LRP1B: variants seen among roughly 807,000 people sequenced by gnomAD.
The protein encoded by LRP1B is LDL receptor related protein 1B.
A neutral mutation model predicts 556.6 loss-of-function variants in LRP1B; 217 were observed. The ratio of observed to expected loss-of-function variants is 0.39; its 90% CI spans 0.35 to 0.44. The LOEUF is 0.44. Ranked by LOEUF, LRP1B falls within the 20% of genes least tolerant of loss-of-function variation. The probability of loss-of-function intolerance (pLI) is 1.00; values close to 1 mark genes in which losing one functional copy is unlikely to be tolerated. For missense variants in LRP1B, 5,053 were observed against 5,620.8 expected, an observed-to-expected ratio of 0.90 and a Z score of 3.23; for synonymous variants, 2,047 against 1,865.8, an observed-to-expected ratio of 1.10 and a Z score of -2.50.
intron 2 of LRP1B, among the ~76,000 whole-genome samples, chr2:141,616,305 A>G (rs1385640495): frequency 1.3e-5 from 2 of 151,980 alleles, no homozygotes; most frequent in African/African-American, 4.8e-5. Context: ...AAAAAAAGAA[A>G]AAAAAGCTAT....
intron 33 of LRP1B, among the ~76,000 whole-genome samples, chr2:140,775,817 T>C (rs530168746): frequency 1.3e-5 from 2 of 152,284 alleles, no homozygotes; most frequent in Admixed American, 6.5e-5. Context: ...TGCCAGGATA[T>C]ATTTTCTTAT....
intron 84 of LRP1B, among the ~76,000 whole-genome samples, chr2:140,287,605 T>C (rs1015616827): frequency 6.1e-5 from 9 of 147,616 alleles, no homozygotes; most frequent in African/African-American, 1.0e-4. Flanking sequence ...ATTATTACCA[T>C]GGGTTTAGAC....
chr2:141,898,127 T>C (rs1450870101), intron 1 of LRP1B, among the ~76,000 whole-genome samples: 1 of 152,172 alleles, frequency 6.6e-6, no homozygotes, highest in Non-Finnish European at 1.5e-5. Flanking sequence ...ATGACACAAG[T>C]AGGATTTGTT....
chr2:141,595,648 A>G (rs1316481110), intron 2 of LRP1B, among the ~76,000 whole-genome samples: 1 of 152,128 alleles, frequency 6.6e-6, no homozygotes, highest in Non-Finnish European at 1.5e-5. Flanking sequence ...TGCAGATAAT[A>G]TGACTCACAT....
chr2:140,863,873 A>G (rs1246258339), intron 27 of LRP1B, among the ~76,000 whole-genome samples: 1 of 152,054 alleles, frequency 6.6e-6, no homozygotes, highest in Non-Finnish European at 1.5e-5. Context: ...TATAAACTCC[A>G]GGAAGGTAAG....
intron 84 of LRP1B, among the ~76,000 whole-genome samples, chr2:140,296,133 C>A (rs918635193): frequency 6.6e-6 from 1 of 152,104 alleles, no homozygotes; most frequent in Non-Finnish European, 1.5e-5. Context: ...ATTCCAATAT[C>A]CAACAGTTTT....
At chr2:140,367,829 C>A (rs181623383) in intron 71 of LRP1B, among the ~76,000 whole-genome samples, 1 of 151,766 alleles carries the variant, frequency 6.6e-6, no homozygotes, top group Non-Finnish European at 1.5e-5. Flanking sequence ...AATTTGTGAA[C>A]GTTTGACATT....
intron 86 of LRP1B, among the ~76,000 whole-genome samples, chr2:140,254,517 C>CT (rs1321522382): frequency 6.6e-6 from 1 of 151,844 alleles, no homozygotes; most frequent in East Asian, 1.9e-4. Flanking sequence ...TCCAAGATTT[C>CT]TTTTTTTGTT....
intron 32 of LRP1B, among the ~76,000 whole-genome samples, chr2:140,777,921 A>AG (rs1396362910): frequency 6.6e-6 from 1 of 151,764 alleles, no homozygotes; most frequent in South Asian, 2.1e-4. Context: ...TGGTAGGAAA[A>AG]AAGTAAAAAA....
rs373300122 is a variant in LRP1B, at chr2:140,802,947, A to G, written c.5359+10710T>C. Among the ~76,000 whole-genome samples, 12 of 152,310 alleles carry G rather than the reference A, an allele frequency of 7.9e-5. No individual in the cohort carries two copies. The South Asian group carries it at 1.2e-3, about 16-fold the overall frequency. ...AGTCAAGCTGTCCTTATAAGGGACC[A>G]TCCCTGACTCTTACATTCACGTGCT... On this transcript the variant is annotated intron_variant, in intron 32 of 90. Transcript: ENST00000389484.
At chr2:141,128,299 C>T (rs748818237) in intron 7 of LRP1B, among the ~76,000 whole-genome samples, 3 of 152,172 alleles carry the variant, frequency 2.0e-5, no homozygotes, top group Non-Finnish European at 2.9e-5. Context: ...AACAAAACAA[C>T]AACAACAAAA....
intron 2 of LRP1B, among the ~76,000 whole-genome samples, chr2:141,671,719 A>C (rs1334509274): frequency 6.6e-6 from 1 of 152,184 alleles, no homozygotes; most frequent in African/African-American, 2.4e-5. Context: ...AATTTTGTGA[A>C]CCTATCATCT....
At chr2:140,797,174 T>C (rs1250081491) in intron 32 of LRP1B, among the ~76,000 whole-genome samples, 1 of 152,014 alleles carries the variant, frequency 6.6e-6, no homozygotes, top group Non-Finnish European at 1.5e-5. Flanking sequence ...GTGAATGCTT[T>C]CTACTGAGTA....
At chr2:140,924,483 G>T (rs1253150547) in intron 20 of LRP1B, among the ~76,000 whole-genome samples, 1 of 152,002 alleles carries the variant, frequency 6.6e-6, no homozygotes, top group Admixed American at 6.6e-5. Context: ...AGATGTTCAA[G>T]ATGGACTTGA....
chr2:140,254,804 G>A (rs1329971043), intron 86 of LRP1B, among the ~76,000 whole-genome samples: 2 of 151,968 alleles, frequency 1.3e-5, no homozygotes, highest in Admixed American at 6.6e-5. Flanking sequence ...CTCCCGCCTT[G>A]GCCTCTGAAA....
At chr2:140,987,054 C>T (rs1696948019) in intron 17 of LRP1B, among the ~76,000 whole-genome samples, 1 of 152,032 alleles carries the variant, frequency 6.6e-6, no homozygotes, top group Non-Finnish European at 1.5e-5. Context: ...CATAAATATG[C>T]CATTTTTTTC....
At chr2:141,317,044 T>C (rs1687060531) in intron 3 of LRP1B, among the ~76,000 whole-genome samples, 1 of 152,200 alleles carries the variant, frequency 6.6e-6, no homozygotes, top group African/African-American at 2.4e-5. Context: ...CTTTTCCTCT[T>C]GCACTGGGCA....
chr2:141,559,387 T>C (rs1237552748), intron 2 of LRP1B, among the ~76,000 whole-genome samples: 2 of 151,678 alleles, frequency 1.3e-5, no homozygotes, highest in Admixed American at 6.6e-5. Context: ...ATGATCACAA[T>C]TGAGAGAACA....
intron 12 of LRP1B, 36 bp downstream of exon 12, chr2:141,019,886 A>AT: frequency 7.1e-7 from 1 of 1,409,524 alleles, no homozygotes; most frequent in Non-Finnish European, 9.6e-7. Context: ...ATCTATTATC[A>AT]TTTTTCTTAT....
Sources: gnomAD v4.1 joint callset for allele counts (sites outside exome capture counted in the v4.1 genomes callset) on GRCh38, gnomAD v4.1.1 for gene constraint, MANE v1.5 for transcripts, NCBI Gene and HGNC (gene_info 2026-07-23, HGNC 2026-07-21) for gene names.